The following CCDC138 variants were observed in gnomAD, a reference collection of about 807,000 sequenced individuals.
CCDC138 encodes coiled-coil domain-containing protein 138.
Under a neutral mutation model 82.3 loss-of-function variants are expected in CCDC138, and 66 were observed. That is an observed-to-expected ratio of 0.80 (90% CI 0.66 to 0.98). The LOEUF is 0.98. Among genes scored for constraint, CCDC138 ranks in the 50% least tolerant of loss-of-function variants. The pLI is 0.00. For synonymous variants in CCDC138, 297 were observed against 265.4 expected (o/e 1.12, Z -1.16); for missense variants, 816 against 758.9 (o/e 1.08, Z -0.88).
At position 108,812,821 on chromosome 2, in the gene CCDC138, G is replaced by C. The variant is rs58170568; in HGVS notation, c.935G>C (p.Arg312Thr). 1,682 of 1,612,764 alleles carry C rather than the reference G, an allele frequency of 1.0e-3. 12 individuals are homozygous for C. In the African/African-American group the frequency reaches 0.02, roughly 19 times the overall value. Residue 312 changes from arginine to threonine, a missense_variant and splice_region_variant, in exon 9 of 15, where the codon AGG becomes ACG. Physicochemically the swap from Arg to Thr is moderately conservative, Grantham distance 71 (BLOSUM62 -1). Transcript: ENST00000295124. The part of the protein sequence containing the change: ...RVQARLDNLQ[R>T]KYEFMTIQRL... ...ATTCACGCATATATACTGTTGCAGA[G>C]GAAGTACGAGTTTATGACAATACAG... is the stretch of plus-strand genomic sequence containing the variant.
chr2:108,880,523 A>G (rs923856245), downstream of CCDC138, among the ~76,000 whole-genome samples: 3 of 152,206 alleles, frequency 2.0e-5, no homozygotes, highest in Non-Finnish European at 2.9e-5. Context: ...CCTGGCTTCA[A>G]AGCTTCAAAG....
rs747360534 is a variant in CCDC138, at chr2:108,798,490, T to C, written c.639T>C (p.Leu213=). 1.8e-5 allele frequency: 29 copies of C among 1,613,926 alleles called. No homozygotes were observed. The highest frequency in any genetic ancestry group is 2.4e-5 in the Non-Finnish European group (28 of 1,179,962). Residue 213 remains leucine (L), a synonymous_variant, in exon 6 of 15, where the codon CTT becomes CTC. Transcript: ENST00000295124. ...EELQKRERFL[L]EREQLLFRHE... ...TTCAAAAGCGAGAACGTTTTTTACT[T>C]GAAAGAGAACAACTGCTTTTCAGAC...
At chr2:108,875,550 A>G (rs941218929) in intron 14 of CCDC138, among the ~76,000 whole-genome samples, 2 of 152,050 alleles carry the variant, frequency 1.3e-5, no homozygotes, top group African/African-American at 4.8e-5. Context: ...ATAGGGTGCA[A>G]TTTTCAGGGT....
At chr2:108,827,996 C>T (rs1056466791) in intron 10 of CCDC138, among the ~76,000 whole-genome samples, 1 of 151,686 alleles carries the variant, frequency 6.6e-6, no homozygotes, top group South Asian at 2.1e-4. Context: ...TGGAACAGAA[C>T]GTGACCACAA....
intron 13 of CCDC138, among the ~76,000 whole-genome samples, chr2:108,864,056 AATAG>A (rs1195009938): frequency 6.6e-6 from 1 of 152,168 alleles, no homozygotes; most frequent in Non-Finnish European, 1.5e-5. Context: ...ACTAGACAAT[AATAG>A]ATGATGTGTT....
Position 108,812,643 on chromosome 2 carries a change from A to C in CCDC138, c.868A>C (p.Ser290Arg). The C allele has an allele frequency of 6.2e-7, 1 of 1,612,296 alleles. No homozygotes were observed. Among genetic ancestry groups the C allele is most frequent in the Non-Finnish European group, 8.5e-7 (1 of 1,178,456 alleles). The change falls in exon 8 of 15, where the codon AGT (serine) becomes CGT (arginine). Residue 290 changes from serine to arginine, a missense_variant. Ser to Arg is a moderately radical substitution (Grantham distance 110, BLOSUM62 -1). Transcript: ENST00000295124. ...DTLKKQLNEASEENRKIDIQA... is the reference protein window; with the variant it reads ...DTLKKQLNEAREENRKIDIQA... Reference sequence around the variant, plus strand: ...TTCTACCCTTTAGTTAAATGAAGCAAGTGAAGAAAACAGGAAGATAGACAT... The same window carrying C: ...TTCTACCCTTTAGTTAAATGAAGCACGTGAAGAAAACAGGAAGATAGACAT...
chr2:108,813,351 T>C (rs1488904373), intron 9 of CCDC138, among the ~76,000 whole-genome samples: 4 of 152,034 alleles, frequency 2.6e-5, no homozygotes, highest in Admixed American at 6.6e-5. Flanking sequence ...AACATTCTTT[T>C]TGGAATGTTT....
chr2:108,868,079 C>G (rs1694699357), intron 13 of CCDC138, among the ~76,000 whole-genome samples: 1 of 152,106 alleles, frequency 6.6e-6, no homozygotes, highest in African/African-American at 2.4e-5. Flanking sequence ...TAATCATTAC[C>G]AAAGAGTGTG....
intron 10 of CCDC138, among the ~76,000 whole-genome samples, chr2:108,817,808 G>A (rs1685046637): frequency 6.6e-6 from 1 of 152,194 alleles, no homozygotes; most frequent in South Asian, 2.1e-4. Flanking sequence ...CTACAGAAGT[G>A]TAAAATAATG....
In CCDC138 at chr2:108,827,610, A is replaced by AT. The variant is rs554717730; in HGVS notation, c.1206+11505_1206+11506insT. Among the ~76,000 whole-genome samples the AT allele has an allele frequency of 3.7e-3, 561 of 152,114 alleles. 3 individuals carry two copies. Among genetic ancestry groups the AT allele is most frequent in the Middle Eastern group, 6.8e-3 (2 of 294 alleles). On this transcript the variant is annotated intron_variant, in intron 10 of 14. Coordinates refer to ENST00000295124, the MANE Select transcript of CCDC138 (RefSeq NM_144978.3). Reference sequence around the variant, plus strand: ...GGTGGGCGGATCACGAGGTCAGGAGACGGAGACTATCCTGGCTAACACAGT... The same window carrying AT: ...GGTGGGCGGATCACGAGGTCAGGAGATCGGAGACTATCCTGGCTAACACAGT...
intron 1 of CCDC138, among the ~76,000 whole-genome samples, chr2:108,881,972 T>C (rs1696302919): frequency 6.6e-6 from 1 of 152,004 alleles, no homozygotes; most frequent in African/African-American, 2.4e-5. Flanking sequence ...AGCAAGACCC[T>C]GTTTCTACAA....
chr2:108,858,574 A>C (rs1407258388), intron 13 of CCDC138, among the ~76,000 whole-genome samples: 1 of 152,214 alleles, frequency 6.6e-6, no homozygotes, highest in Non-Finnish European at 1.5e-5. Flanking sequence ...AGTACGATTT[A>C]TTAGAGCGAG....
chr2:108,828,738 GGA>G (rs1687057217), intron 10 of CCDC138, among the ~76,000 whole-genome samples: 1 of 152,130 alleles, frequency 6.6e-6, no homozygotes, highest in Non-Finnish European at 1.5e-5. Flanking sequence ...CAGCACTTTG[GGA>G]GGCTGAGGTG....
chr2:108,856,626 T>A, intron 12 of CCDC138, 168 bp from the exon 13 acceptor site: 1 of 177,384 alleles, frequency 5.6e-6, no homozygotes, highest in Non-Finnish European at 1.1e-5. Flanking sequence ...CTTACCCATT[T>A]GAGTTCTGAC....
intron 13 of CCDC138, among the ~76,000 whole-genome samples, chr2:108,872,116 T>G (rs1249445023): frequency 6.6e-6 from 1 of 152,230 alleles, no homozygotes; most frequent in Non-Finnish European, 1.5e-5. Context: ...TAATCTCTTT[T>G]GCTTTTGTTC....
chr2:108,846,404 C>T (rs943772567), intron 11 of CCDC138, among the ~76,000 whole-genome samples: 1 of 151,946 alleles, frequency 6.6e-6, no homozygotes, highest in Non-Finnish European at 1.5e-5. Context: ...TGGCCAGGCA[C>T]AGTGGCTCAT....
intron 5 of CCDC138, among the ~76,000 whole-genome samples, chr2:108,798,219 TAC>T (rs1681231649): frequency 6.6e-6 from 1 of 152,184 alleles, no homozygotes; most frequent in Admixed American, 6.5e-5. Context: ...AGTGGACTCT[TAC>T]TATAGTGTCA....
At position 108,856,808 on chromosome 2, in the gene CCDC138, C is replaced by T; in HGVS notation, c.1531C>T (p.Gln511Ter). The T allele has an allele frequency of 6.2e-7, 1 of 1,613,108 alleles. No individual in the cohort carries two copies. The highest frequency in any genetic ancestry group is 8.5e-7 in the Non-Finnish European group (1 of 1,179,682). The change falls in exon 13 of 15, where the codon CAG (glutamine) becomes TAG (stop). Residue 511 changes from glutamine to a stop codon, truncating the protein, a stop_gained. Transcript: ENST00000295124. LOFTEE classifies it high-confidence loss of function. ...CTATTTTCCAGCTGATTACCTGGCT[C>T]AGGCATTTGATTCTCTTTGTTTGGA... ...KTVTQADYLA[Q>*]AFDSLCLDLK... is the part of the protein sequence containing the mutation.
At chr2:108,859,213 A>G (rs559747266) in intron 13 of CCDC138, among the ~76,000 whole-genome samples, 94 of 152,222 alleles carry the variant, frequency 6.2e-4, no homozygotes, top group African/African-American at 2.1e-3. Flanking sequence ...TTTGAGAAGT[A>G]TCTGTTCATG....
Sources: allele counts gnomAD v4.1 joint callset (sites outside exome capture counted in the v4.1 genomes callset), GRCh38; gene constraint gnomAD v4.1.1; transcripts MANE v1.5; gene names NCBI Gene and HGNC (gene_info 2026-07-23, HGNC 2026-07-21).